The following CACNA1D variants were observed in gnomAD, a reference collection of about 807,000 sequenced individuals.
CACNA1D encodes voltage-dependent L-type calcium channel subunit alpha-1D.
A neutral mutation model predicts 257.1 loss-of-function variants in CACNA1D; 55 were observed. The observed-to-expected ratio is 0.21, with a 90% CI of 0.17 to 0.27. The LOEUF (loss-of-function observed/expected upper bound fraction) is 0.27, where lower values mean the gene tolerates loss of function less well. Among genes scored for constraint, CACNA1D ranks in the 10% least tolerant of loss-of-function variants. The pLI, the probability that CACNA1D is intolerant of heterozygous loss-of-function variation, is 1.00. For synonymous variants in CACNA1D, 980 were observed against 1,014.9 expected (o/e 0.97, Z 0.65); for missense variants, 1,876 against 2,784.0 (o/e 0.67, Z 7.34).
chr3:53,756,542 G>C (rs749926726), intron 29 of CACNA1D, among the ~76,000 whole-genome samples: 2 of 152,198 alleles, frequency 1.3e-5, no homozygotes, highest in Admixed American at 1.3e-4. Context: ...GTGGGTTCCC[G>C]AAGGGAAAGT....
chr3:53,710,511 C>T (rs2094741731), intron 9 of CACNA1D: 1 of 456,438 alleles, frequency 2.2e-6, no homozygotes, highest in African/African-American at 2.0e-5. Context: ...TCTTTTTCCG[C>T]AACATCTCTG....
chr3:53,544,976 T>A lies in CACNA1D; in HGVS notation c.483+43256T>A, dbSNP rs192267152. Among the ~76,000 whole-genome samples the A allele has an allele frequency of 5.3e-5, 8 of 152,324 alleles. No homozygotes were observed. In the East Asian group the frequency reaches 9.6e-4, roughly 18 times the overall value. On this transcript the variant is annotated intron_variant, in intron 3 of 47. Coordinates refer to ENST00000350061, the MANE Select transcript of CACNA1D (RefSeq NM_001128840.3). Reference sequence around the variant, plus strand: ...AGTACAGTGCCTGGCATAGAATAAGTGCTCCATAGGGATTAGCTAATGTTT... The same window carrying A: ...AGTACAGTGCCTGGCATAGAATAAGAGCTCCATAGGGATTAGCTAATGTTT...
chr3:53,497,212 C>T lies in CACNA1D; in HGVS notation c.128C>T (p.Pro43Leu), dbSNP rs758415159. Residue 43 changes from proline to leucine, a missense_variant, in exon 2 of 48, where the codon CCG becomes CTG. Around this residue, in one of 10 missense-constraint regions of CACNA1D, gnomAD observed 143 missense variants for 168.7 expected, o/e 0.85. Coordinates refer to ENST00000350061, the MANE Select transcript of CACNA1D (RefSeq NM_001128840.3). ...TCTGGTGAAGGACCAACTTCTCAGC[C>T]GAATAGCTCCAAGCAAACTGTCCTG... ...PLSGEGPTSQ[P>L]NSSKQTVLSW... The T allele has an allele frequency of 5.6e-6, 9 of 1,614,142 alleles. No homozygotes were observed. The highest frequency in any genetic ancestry group is 3.3e-5 in the Admixed American group (2 of 60,026).
chr3:53,642,261 C>G lies in CACNA1D; in HGVS notation c.484-8518C>G, dbSNP rs111283980. 1.2e-4 allele frequency among the ~76,000 whole-genome samples: 19 copies of G among 152,248 alleles called. 1 individual carries two copies. The highest frequency in any genetic ancestry group is 4.6e-4 in the African/African-American group (19 of 41,556). ...GTGTTAGCTCTTCATCTCTATGTCC[C>G]CCTGGCAACTCTAGGCTTGTGGTCT... On this transcript the variant is annotated intron_variant, in intron 3 of 47. Coordinates refer to ENST00000350061, the MANE Select transcript of CACNA1D (RefSeq NM_001128840.3).
At chr3:53,686,626 G>C (rs2094475594) in intron 8 of CACNA1D, among the ~76,000 whole-genome samples, 1 of 151,760 alleles carries the variant, frequency 6.6e-6, no homozygotes, top group Non-Finnish European at 1.5e-5. Flanking sequence ...ATTCTATAAT[G>C]ATTTCTAATA....
At position 53,812,107 on chromosome 3, in the gene CACNA1D, T is replaced by G. The variant is rs1423458634; in HGVS notation, c.*701T>G. On this transcript the variant is annotated 3_prime_UTR_variant, in exon 48 of 48. Coordinates refer to ENST00000350061, the MANE Select transcript of CACNA1D (RefSeq NM_001128840.3). ...ACTGTAAACTGGAATAATAATGCAC[T>G]CGCAACCAGGTAAACTTAGATACAC... 1 of 152,286 alleles carries G rather than the reference T, an allele frequency of 6.6e-6. No homozygotes were observed. The highest frequency in any genetic ancestry group is 1.5e-5 in the Non-Finnish European group (1 of 68,042). The allele number at this position is 152,286 out of a possible 1,614,324, so 9.4% of individuals were successfully genotyped here.
At chr3:53,502,670 C>T (rs971328789) in intron 3 of CACNA1D, among the ~76,000 whole-genome samples, 3 of 152,110 alleles carry the variant, frequency 2.0e-5, no homozygotes, top group Non-Finnish European at 2.9e-5. Context: ...GCTGTGCAGC[C>T]ACCTGGCAAT....
chr3:53,776,715 A>G lies in CACNA1D; in HGVS notation c.4475A>G (p.Tyr1492Cys), dbSNP rs2095399642. 6.2e-7 allele frequency: 1 copy of G among 1,614,110 alleles called. No individual in the cohort carries two copies. Among genetic ancestry groups the G allele is most frequent in the South Asian group, 1.1e-5 (1 of 91,092 alleles). The change falls in exon 36 of 48, where the codon TAT (tyrosine) becomes TGT (cysteine). Residue 1492 changes from tyrosine (Y) to cysteine (C), a missense_variant. By Grantham distance (194) the Tyr-to-Cys change is radical (BLOSUM62 -2). Transcript: ENST00000350061. ...GAATTCAAAAGAATATGGTCAGAAT[A>G]TGACCCTGAGGCAAAGTAGGTTGAA... Reference protein sequence around the residue: ...LDEFKRIWSEYDPEAKGRIKH... With the variant: ...LDEFKRIWSECDPEAKGRIKH...
intron 3 of CACNA1D, among the ~76,000 whole-genome samples, chr3:53,600,161 AT>A (rs1406231632): frequency 2.6e-5 from 4 of 152,234 alleles, no homozygotes; most frequent in Non-Finnish European, 4.4e-5. Context: ...GGGCCCCAAC[AT>A]AAGCCTCAGC....
chr3:53,623,585 TGAAGG>T (rs1444412119), intron 3 of CACNA1D, among the ~76,000 whole-genome samples: 4 of 152,198 alleles, frequency 2.6e-5, no homozygotes, highest in Admixed American at 6.6e-5. Flanking sequence ...TGCAGTAGCA[TGAAGG>T]GAAGATAATT....
chr3:53,647,555 A>AG (rs973024117), intron 3 of CACNA1D, among the ~76,000 whole-genome samples: 2 of 152,236 alleles, frequency 1.3e-5, no homozygotes, highest in Non-Finnish European at 2.9e-5. Flanking sequence ...CTGGGCCCAC[A>AG]GTCCCACCTT....
At position 53,801,329 on chromosome 3, in the gene CACNA1D, G is replaced by A. The variant is rs776723045; in HGVS notation, c.5312G>A (p.Arg1771Gln). Residue 1771 changes from arginine (R) to glutamine (Q), a missense_variant, in exon 42 of 48, where the codon CGG becomes CAG. This residue lies in a region of CACNA1D where 491 missense variants were observed against 554.3 expected (regional missense o/e 0.89). Transcript: ENST00000350061. ...ATGTCCAAAGCTGCCCATGGAAAGC[G>A]GCCCAGCATTGGGAACCTTGAGCAT... ...ANMSKAAHGK[R>Q]PSIGNLEHVS... The A allele has an allele frequency of 5.0e-6, 8 of 1,614,102 alleles. No homozygotes were observed. Among genetic ancestry groups the A allele is most frequent in the East Asian group, 2.2e-5 (1 of 44,878 alleles).
chr3:53,727,855 G>T (rs530258645), intron 15 of CACNA1D, among the ~76,000 whole-genome samples: 36 of 152,024 alleles, frequency 2.4e-4, no homozygotes, highest in African/African-American at 8.0e-4. Context: ...ATCTTGTCTG[G>T]CTCACTGATA....
intron 39 of CACNA1D, 184 bp downstream of exon 39, chr3:53,781,851 T>G: frequency 1.6e-6 from 1 of 630,152 alleles, no homozygotes; most frequent in Non-Finnish European, 2.9e-6. Context: ...ATGAAGAACA[T>G]TCCAGACAAA....
At chr3:53,721,490 A>T (rs926022619) in intron 11 of CACNA1D, among the ~76,000 whole-genome samples, 2 of 152,160 alleles carry the variant, frequency 1.3e-5, no homozygotes, top group Non-Finnish European at 2.9e-5. Flanking sequence ...GGCACACTTT[A>T]CCAAAGCATC....
chr3:53,676,873 CT>C (rs1206271872), intron 8 of CACNA1D, among the ~76,000 whole-genome samples: 1 of 152,196 alleles, frequency 6.6e-6, no homozygotes, highest in Non-Finnish European at 1.5e-5. Flanking sequence ...TAGATGAATA[CT>C]TCCATCTCTG....
chr3:53,523,420 G>T (rs1218488057), intron 3 of CACNA1D, among the ~76,000 whole-genome samples: 1 of 152,230 alleles, frequency 6.6e-6, no homozygotes, highest in Non-Finnish European at 1.5e-5. Context: ...ACCAAGCTAG[G>T]ATATTATAGA....
chr3:53,777,032 C>A, intron 37 of CACNA1D, 76 bp downstream of exon 37: 1 of 1,064,598 alleles, frequency 9.4e-7, no homozygotes, highest in Non-Finnish European at 1.5e-6. Flanking sequence ...TGTTAAGTGA[C>A]ACAGCCAGGC....
chr3:53,810,358 G>GT (rs1310055331), intron 47 of CACNA1D, 60 bp downstream of exon 47: 26 of 1,532,966 alleles, frequency 1.7e-5, no homozygotes, highest in Non-Finnish European at 2.3e-5. Context: ...AGGTGCAACT[G>GT]TAACAGCAGG....
Sources: allele counts gnomAD v4.1 joint callset (sites outside exome capture counted in the v4.1 genomes callset), GRCh38; gene constraint gnomAD v4.1.1; regional missense constraint gnomAD v4.1.1; transcripts MANE v1.5; gene names NCBI Gene and HGNC (gene_info 2026-07-23, HGNC 2026-07-21).